The following EBAG9 variants were observed in gnomAD, a reference collection of about 807,000 sequenced individuals.
EBAG9 encodes receptor-binding cancer antigen expressed on SiSo cells.
In EBAG9, 16 loss-of-function variants were observed where a neutral mutation model predicts 30.9. That is an observed-to-expected ratio of 0.52 (90% CI 0.35 to 0.79). EBAG9 has a LOEUF of 0.79. EBAG9 is among the 30% of genes least tolerant of loss of function. The probability of loss-of-function intolerance (pLI) is 0.01; values close to 1 mark genes in which losing one functional copy is unlikely to be tolerated. For synonymous variants in EBAG9, 93 were observed against 82.8 expected (o/e 1.12, Z -0.67); for missense variants, 197 against 242.1 (o/e 0.81, Z 1.24).
At chr8:109,557,087 GT>G in intron 5 of EBAG9, 45 bp downstream of exon 5, 1 of 1,279,392 alleles carries the variant, frequency 7.8e-7, no homozygotes, top group South Asian at 1.4e-5. Context: ...TTGTATTTCT[GT>G]TTTCTTTAAA....
intron 4 of EBAG9, among the ~76,000 whole-genome samples, chr8:109,555,580 A>T (rs576411126): frequency 3.0e-4 from 46 of 152,302 alleles, no homozygotes; most frequent in African/African-American, 1.0e-3. Context: ...ATTGGATAAG[A>T]GTTCTAACAA....
chr8:109,547,542 G>A (rs745747222), intron 1 of EBAG9, among the ~76,000 whole-genome samples: 2 of 150,940 alleles, frequency 1.3e-5, no homozygotes, highest in Middle Eastern at 3.4e-3. Context: ...GTGCAGTGGC[G>A]TGATCTCGGC....
At chr8:109,543,047 C>G (rs572133155) in intron 1 of EBAG9, among the ~76,000 whole-genome samples, 1 of 148,548 alleles carries the variant, frequency 6.7e-6, no homozygotes, top group Admixed American at 6.8e-5. Context: ...AGCATTGTTG[C>G]ATGATTTGAA....
Position 109,563,438 on chromosome 8 carries a change from A to C in EBAG9, c.522-1001A>C, listed in dbSNP as rs778956803. 2.5e-6 allele frequency: 4 copies of C among 1,597,680 alleles called. No homozygotes were observed. In the South Asian group the frequency reaches 4.4e-5, roughly 18 times the overall value. On this transcript the variant is annotated intron_variant, in intron 6 of 6. Transcript: ENST00000337573. ...TGTTTACTCTGCTCTCTCCTGTTTC[A>C]TCATCCCACTCCTACCTCCACTCCC... is the stretch of plus-strand genomic sequence containing the variant.
chr8:109,542,305 C>A (rs1314602959), intron 1 of EBAG9, among the ~76,000 whole-genome samples: 1 of 151,698 alleles, frequency 6.6e-6, no homozygotes, highest in Non-Finnish European at 1.5e-5. Flanking sequence ...AAAAAAACAA[C>A]CTTTAAATTT....
chr8:109,553,729 T>G (rs1207239368), intron 2 of EBAG9, 136 bp from the exon 3 acceptor site: 1 of 640,410 alleles, frequency 1.6e-6, no homozygotes, highest in Non-Finnish European at 2.6e-6. Flanking sequence ...AATTAGTGAG[T>G]AACTGTTACT....
intron 6 of EBAG9, chr8:109,563,267 A>C: frequency 2.1e-6 from 2 of 974,852 alleles, no homozygotes; most frequent in Admixed American, 4.3e-5. Flanking sequence ...GCTCCCCCAG[A>C]CATAGATAAT....
intron 6 of EBAG9, among the ~76,000 whole-genome samples, chr8:109,563,816 C>T (rs1223291513): frequency 6.6e-6 from 1 of 151,984 alleles, no homozygotes; most frequent in African/African-American, 2.4e-5. Context: ...CATCATTTAG[C>T]GCCCACTTAT....
intron 6 of EBAG9, among the ~76,000 whole-genome samples, chr8:109,561,381 C>T (rs1050138742): frequency 1.3e-4 from 20 of 151,986 alleles, no homozygotes; most frequent in African/African-American, 4.1e-4. Flanking sequence ...TACATTTGTA[C>T]ATATATCTTA....
chr8:109,542,725 G>A (rs534979881), intron 1 of EBAG9, among the ~76,000 whole-genome samples: 22 of 152,174 alleles, frequency 1.4e-4, no homozygotes, highest in African/African-American at 5.1e-4. Context: ...TCATAATGAA[G>A]CAATCAAACT....
chr8:109,552,649 A>G (rs1821516975), intron 2 of EBAG9, among the ~76,000 whole-genome samples: 2 of 152,192 alleles, frequency 1.3e-5, no homozygotes, highest in African/African-American at 4.8e-5. Flanking sequence ...TGATGTAAAA[A>G]TATTAAGGAC....
Position 109,557,057 on chromosome 8 carries a change from G to A in EBAG9, c.429+15G>A, listed in dbSNP as rs1821614973. The stretch of plus-strand genomic sequence containing the variant: ...TTCATCAGTCTGTAAGTATGTTAAT[G>A]GTTCTAGGGAAGGGTTTTGTTGTAT... On this transcript the variant is annotated intron_variant, in intron 5 of 6. Coordinates refer to ENST00000337573, the MANE Select transcript of EBAG9 (RefSeq NM_004215.5). The A allele has an allele frequency of 2.7e-6, 4 of 1,503,904 alleles. No homozygotes were observed. The highest frequency in any genetic ancestry group is 3.6e-6 in the Non-Finnish European group (4 of 1,097,462). 93.2% of individuals were successfully genotyped at this position (1,503,904 alleles called of 1,614,324 possible).
At chr8:109,556,124 C>T (rs1412782732) in intron 4 of EBAG9, among the ~76,000 whole-genome samples, 1 of 152,070 alleles carries the variant, frequency 6.6e-6, no homozygotes, top group East Asian at 1.9e-4. Context: ...GAAAAACACA[C>T]TTAAAGTTCA....
chr8:109,550,116 A>G (rs1273276228), intron 1 of EBAG9: 1 of 151,990 alleles, frequency 6.6e-6, no homozygotes, highest in Non-Finnish European at 1.5e-5. Context: ...GGCTTGTCCC[A>G]TGTGTTATTT....
chr8:109,547,681 C>T (rs1019343357), intron 1 of EBAG9, among the ~76,000 whole-genome samples: 5 of 151,888 alleles, frequency 3.3e-5, no homozygotes, highest in Non-Finnish European at 7.4e-5. Context: ...AGGGTTTCAC[C>T]GTGTTGGCCA....
intron 5 of EBAG9, among the ~76,000 whole-genome samples, chr8:109,560,391 A>G (rs1388333424): frequency 6.6e-6 from 1 of 152,212 alleles, no homozygotes; most frequent in Non-Finnish European, 1.5e-5. Flanking sequence ...TGACTGTGCT[A>G]GTTTTTGAAC....
Position 109,560,949 on chromosome 8 carries a change from A to T in EBAG9, c.521+20A>T, listed in dbSNP as rs1399235315. ...TCTGAGGTATTTGAGTGGCATTTATATTGCAACCTGAGTAGAAGAACTAGA... is the reference window on the plus strand; with the variant it reads ...TCTGAGGTATTTGAGTGGCATTTATTTTGCAACCTGAGTAGAAGAACTAGA... On this transcript the variant is annotated intron_variant, in intron 6 of 6. Transcript: ENST00000337573. The T allele has an allele frequency of 1.9e-6, 3 of 1,597,396 alleles. No homozygotes were observed. Among genetic ancestry groups the T allele is most frequent in the African/African-American group, 2.7e-5 (2 of 74,606 alleles).
chr8:109,544,919 T>C (rs1235514907), intron 1 of EBAG9, among the ~76,000 whole-genome samples: 1 of 152,150 alleles, frequency 6.6e-6, no homozygotes, highest in African/African-American at 2.4e-5. Flanking sequence ...AAATAGTGAT[T>C]ATTAGGGTAA....
intron 5 of EBAG9, chr8:109,557,852 G>T: frequency 3.0e-6 from 1 of 331,738 alleles, no homozygotes; most frequent in Non-Finnish European, 6.2e-6. Flanking sequence ...CAAAGCCTCA[G>T]TTCCTTGCTG....
Sources: gnomAD v4.1 joint callset for allele counts (sites outside exome capture counted in the v4.1 genomes callset) on GRCh38, gnomAD v4.1.1 for gene constraint, MANE v1.5 for transcripts, NCBI Gene and HGNC (gene_info 2026-07-23, HGNC 2026-07-21) for gene names.